Variants in CDKAL1 observed in about 807,000 individuals in gnomAD.
The protein encoded by CDKAL1 is threonylcarbamoyladenosine tRNA methylthiotransferase.
In CDKAL1, 32 loss-of-function variants were observed where a neutral mutation model predicts 68.2. The ratio of observed to expected loss-of-function variants is 0.47; its 90% CI spans 0.35 to 0.63. The LOEUF (loss-of-function observed/expected upper bound fraction) is 0.63, where lower values mean the gene tolerates loss of function less well. CDKAL1 is among the 30% of genes least tolerant of loss of function. CDKAL1 has a pLI of 0.00. For synonymous variants in CDKAL1, 234 were observed against 244.3 expected, an observed-to-expected ratio of 0.96 and a Z score of 0.39; for missense variants, 606 against 696.7, an observed-to-expected ratio of 0.87 and a Z score of 1.47.
At chr6:21,103,215 G>C (rs1428386794) in intron 12 of CDKAL1, among the ~76,000 whole-genome samples, 1 of 152,174 alleles carries the variant, frequency 6.6e-6, no homozygotes, top group Non-Finnish European at 1.5e-5. Flanking sequence ...AAGAAATTAA[G>C]TTCGTGGATG....
intron 5 of CDKAL1, among the ~76,000 whole-genome samples, chr6:20,688,675 G>A (rs1344404941): frequency 6.6e-6 from 1 of 151,778 alleles, no homozygotes. Flanking sequence ...TTTTCCATTG[G>A]CACCCATAGC....
intron 13 of CDKAL1, among the ~76,000 whole-genome samples, chr6:21,158,372 C>G (rs1461544905): frequency 6.6e-6 from 1 of 152,210 alleles, no homozygotes; most frequent in Admixed American, 6.5e-5. Context: ...TTTGTCCTGT[C>G]ACTCCAGTGG....
At chr6:20,726,953 T>C (rs1229165516) in intron 5 of CDKAL1, among the ~76,000 whole-genome samples, 1 of 152,188 alleles carries the variant, frequency 6.6e-6, no homozygotes, top group East Asian at 1.9e-4. Context: ...GCAGCCCCTA[T>C]AAACTAGCTG....
intron 9 of CDKAL1, among the ~76,000 whole-genome samples, chr6:20,933,732 C>T (rs887061305): frequency 3.3e-5 from 5 of 152,174 alleles, no homozygotes; most frequent in Non-Finnish European, 5.9e-5. Context: ...TTTCTTTAAT[C>T]TGAAATCATC....
chr6:20,720,481 T>G (rs1050310488), intron 5 of CDKAL1, among the ~76,000 whole-genome samples: 3 of 152,260 alleles, frequency 2.0e-5, no homozygotes, highest in Admixed American at 1.3e-4. Context: ...CATCATTCCT[T>G]CTCCCCAGTC....
chr6:21,203,532 G>A (rs1253385363), intron 15 of CDKAL1, among the ~76,000 whole-genome samples: 1 of 151,510 alleles, frequency 6.6e-6, no homozygotes, highest in Non-Finnish European at 1.5e-5. Context: ...CACTGTGCTC[G>A]GCCCCAGCTG....
intron 13 of CDKAL1, among the ~76,000 whole-genome samples, chr6:21,144,313 G>A (rs956906233): frequency 6.6e-6 from 1 of 152,156 alleles, no homozygotes; most frequent in African/African-American, 2.4e-5. Flanking sequence ...ATAGAGCTTA[G>A]ACATGCAAAT....
chr6:20,983,321 C>A (rs925787187), intron 10 of CDKAL1, among the ~76,000 whole-genome samples: 6 of 152,094 alleles, frequency 3.9e-5, no homozygotes, highest in African/African-American at 4.8e-5. Context: ...TTTTAAAAAA[C>A]CCACCCATTT....
chr6:20,642,726 A>T (rs1768241154), intron 4 of CDKAL1, among the ~76,000 whole-genome samples: 1 of 152,166 alleles, frequency 6.6e-6, no homozygotes, highest in Admixed American at 6.5e-5. Flanking sequence ...GAATTTCATG[A>T]GAATTTATCC....
intron 13 of CDKAL1, among the ~76,000 whole-genome samples, chr6:21,189,120 C>T (rs1044431498): frequency 6.6e-6 from 1 of 152,172 alleles, no homozygotes; most frequent in Non-Finnish European, 1.5e-5. Context: ...GTAGACACGG[C>T]TAGAAGAAAA....
intron 13 of CDKAL1, among the ~76,000 whole-genome samples, chr6:21,166,367 G>T (rs537676797): frequency 1.3e-5 from 2 of 152,150 alleles, no homozygotes; most frequent in Non-Finnish European, 2.9e-5. Flanking sequence ...TTTGGACTTT[G>T]TAAAGAAAAT....
intron 4 of CDKAL1, among the ~76,000 whole-genome samples, chr6:20,596,333 G>A (rs1483462585): frequency 6.6e-6 from 1 of 152,214 alleles, no homozygotes; most frequent in Non-Finnish European, 1.5e-5. Flanking sequence ...GACTGGGGCT[G>A]TTGACTTTCT....
At chr6:21,059,890 G>A (rs1561997397) in intron 11 of CDKAL1, among the ~76,000 whole-genome samples, 1 of 151,996 alleles carries the variant, frequency 6.6e-6, no homozygotes, top group Non-Finnish European at 1.5e-5. Context: ...CTGATGTGTG[G>A]TTTTTTTATC....
At chr6:20,776,007 A>C (rs753461328) in intron 7 of CDKAL1, among the ~76,000 whole-genome samples, 2 of 152,200 alleles carry the variant, frequency 1.3e-5, no homozygotes, top group African/African-American at 2.4e-5. Flanking sequence ...ATTAAAAAAA[A>C]AAACAGACTA....
At chr6:21,170,264 A>G (rs1777325704) in intron 13 of CDKAL1, among the ~76,000 whole-genome samples, 4 of 152,190 alleles carry the variant, frequency 2.6e-5, no homozygotes. Flanking sequence ...AGGAAGAAAA[A>G]TAACATAAGT....
chr6:20,879,460 T>C (rs1760704931), intron 9 of CDKAL1, among the ~76,000 whole-genome samples: 1 of 152,236 alleles, frequency 6.6e-6, no homozygotes, highest in South Asian at 2.1e-4. Flanking sequence ...TTTTATGTTG[T>C]TTAACTTTTC....
intron 6 of CDKAL1, among the ~76,000 whole-genome samples, chr6:20,755,462 C>G (rs1400683875): frequency 6.6e-6 from 1 of 151,898 alleles, no homozygotes; most frequent in African/African-American, 2.4e-5. Flanking sequence ...TTTTCTTTCT[C>G]CAACCCCCAG....
Position 20,758,610 on chromosome 6 carries a change from C to G in CDKAL1, c.484C>G (p.Arg162Gly), listed in dbSNP as rs866091749. 1.2e-6 allele frequency: 2 copies of G among 1,601,328 alleles called. No individual in the cohort carries two copies. The highest frequency in any genetic ancestry group is 1.1e-5 in the South Asian group (1 of 88,476). Reference sequence around the variant, plus strand: ...TTTTTTCCAGGTTCAGCAGATAGATCGTGTGGTAGAAGTTGTGGAGGAGAC... The same window carrying G: ...TTTTTTCCAGGTTCAGCAGATAGATGGTGTGGTAGAAGTTGTGGAGGAGAC... The part of the protein sequence containing the change: ...LSIIGVQQID[R>G]VVEVVEETIK... The change falls in exon 7 of 16, where the codon CGT (arginine) becomes GGT (glycine). Residue 162 changes from arginine to glycine, a missense_variant. By Grantham distance (125) the Arg-to-Gly change is moderately radical. Coordinates refer to ENST00000274695, the MANE Select transcript of CDKAL1 (RefSeq NM_017774.3).
chr6:20,608,392 C>T (rs1024011528), intron 4 of CDKAL1, among the ~76,000 whole-genome samples: 6 of 152,076 alleles, frequency 3.9e-5, no homozygotes, highest in Non-Finnish European at 8.8e-5. Flanking sequence ...CTTTCCAGTT[C>T]TAAGTGAGTG....
Sources: gnomAD v4.1 joint callset for allele counts (sites outside exome capture counted in the v4.1 genomes callset) on GRCh38, gnomAD v4.1.1 for gene constraint, MANE v1.5 for transcripts, NCBI Gene and HGNC (gene_info 2026-07-23, HGNC 2026-07-21) for gene names.